CEP120: variants seen among roughly 807,000 people sequenced by gnomAD.
CEP120 encodes centrosomal protein of 120 kDa.
Under a neutral mutation model 126.5 loss-of-function variants are expected in CEP120, and 113 were observed. The ratio of observed to expected loss-of-function variants is 0.89; its 90% CI spans 0.77 to 1.04. The LOEUF (loss-of-function observed/expected upper bound fraction) is 1.04. Among genes scored for constraint, CEP120 ranks in the 50% least tolerant of loss-of-function variants. The pLI, the probability that CEP120 is intolerant of heterozygous loss-of-function variation, is 0.00. For missense variants in CEP120, 1,230 were observed against 1,155.7 expected (o/e 1.06, Z -0.93); for synonymous variants, 400 against 394.3 (o/e 1.01, Z -0.17).
In CEP120 at chr5:123,414,971, CAAAAAAAAAAAA is replaced by C. The variant is rs56756568; in HGVS notation, c.321+1027_321+1038del. Among the ~76,000 whole-genome samples the C allele has an allele frequency of 2.0e-4, 8 of 40,662 alleles. 1 individual carries two copies. The highest frequency in any genetic ancestry group is 5.8e-4 in the African/African-American group (5 of 8,648). 26.7% of individuals were successfully genotyped at this position (40,662 alleles called of 152,430 possible). A position where few individuals can be genotyped will look rare whatever the true frequency, so the allele number is the denominator to read the frequency against. On this transcript the variant is annotated intron_variant, in intron 3 of 19. Transcript: ENST00000306467. ...TGGGCAACAGAGCAAGACTCCATCT[CAAAAAAAAAAAA>C]AAAAAAAAAAAAAAAAAAAGCCCTA...
chr5:123,406,428 T>C (rs560039383), intron 4 of CEP120, among the ~76,000 whole-genome samples: 41 of 149,410 alleles, frequency 2.7e-4, no homozygotes, highest in Admixed American at 1.6e-3. Context: ...GCATCCCATA[T>C]TAAAACATCA....
chr5:123,423,382 C>G lies in CEP120; in HGVS notation c.-384G>C, dbSNP rs1377553811. On this transcript the variant is annotated 5_prime_UTR_variant, in exon 1 of 20. Transcript: ENST00000306467. ...GCAACCAGGCCCGCAGGCCCAGTGC[C>G]CAGGGGAGGTTGGAGGACAACGGGT... 1 of 290,666 alleles carries G rather than the reference C, an allele frequency of 3.4e-6. No homozygotes were observed. The highest frequency in any genetic ancestry group is 8.7e-5 in the East Asian group (1 of 11,472). The allele number at this position is 290,666 out of a possible 1,614,324, so 18.0% of individuals were successfully genotyped here.
At chr5:123,373,750 C>T (rs1017796560) in intron 16 of CEP120, among the ~76,000 whole-genome samples, 4 of 152,012 alleles carry the variant, frequency 2.6e-5, no homozygotes, top group East Asian at 1.9e-4. Context: ...ATGGAAGATC[C>T]TCGGGTACCC....
chr5:123,423,233 T>C lies in CEP120; in HGVS notation c.-235A>G, dbSNP rs1293560263. The stretch of plus-strand genomic sequence containing the variant: ...CCCCGACTCAAGGAAAAAGCCACGC[T>C]GCAGCCCTGCCAGTCTGCAAGCAGA... On this transcript the variant is annotated 5_prime_UTR_variant, in exon 1 of 20. Transcript: ENST00000306467. The C allele has an allele frequency of 1.1e-5, 6 of 549,356 alleles. No individual in the cohort carries two copies. Among genetic ancestry groups the C allele is most frequent in the African/African-American group, 1.9e-5 (1 of 51,656 alleles). 34.0% of individuals were successfully genotyped at this position (549,356 alleles called of 1,614,324 possible).
chr5:123,379,515 C>A (rs1281769732), intron 14 of CEP120, among the ~76,000 whole-genome samples: 1 of 152,002 alleles, frequency 6.6e-6, no homozygotes, highest in African/African-American at 2.4e-5. Flanking sequence ...TAATTATTTT[C>A]TCCATCCTCT....
chr5:123,374,461 G>C (rs905714029), intron 16 of CEP120, among the ~76,000 whole-genome samples: 2 of 151,970 alleles, frequency 1.3e-5, no homozygotes, highest in African/African-American at 4.8e-5. Context: ...AAGGTACGAA[G>C]ATGTTCTTTT....
chr5:123,422,803 C>T, intron 1 of CEP120, 147 bp downstream of exon 1: 1 of 796,790 alleles, frequency 1.3e-6, no homozygotes, highest in South Asian at 1.6e-5. Context: ...GCCTAACAGA[C>T]CTCACTACGT....
rs142484722 is a variant in CEP120, at chr5:123,363,491, G to A, written c.2580+1005C>T. Among the ~76,000 whole-genome samples the A allele has an allele frequency of 7.8e-3, 974 of 125,222 alleles. 6 individuals are homozygous for A. The highest frequency in any genetic ancestry group is 0.013 in the South Asian group (42 of 3,310). The allele number at this position is 125,222 out of a possible 152,430, so 82.2% of individuals were successfully genotyped here. A position where few individuals can be genotyped will look rare whatever the true frequency, so the allele number is the denominator to read the frequency against. ...CTGCTTTCAATACAGGAGACTCTTA[G>A]TACTACCCATGTCTATCCTTAGTCC... On this transcript the variant is annotated intron_variant, in intron 18 of 19. Coordinates refer to ENST00000306467, the MANE Select transcript of CEP120 (RefSeq NM_001375405.1).
chr5:123,412,934 C>T (rs1464824316), intron 3 of CEP120, among the ~76,000 whole-genome samples: 1 of 152,138 alleles, frequency 6.6e-6, no homozygotes, highest in African/African-American at 2.4e-5. Context: ...TATACCTTTT[C>T]TTTCTGCCAT....
At position 123,412,538 on chromosome 5, in the gene CEP120, T is replaced by C; in HGVS notation, c.324A>G (p.Ala108=). The change falls in exon 4 of 20, where the codon GCA becomes GCG. Residue 108 remains alanine, a splice_region_variant and synonymous_variant. Transcript: ENST00000306467. ...DLRTAQETKQ[A]PKWYQLLSNK... is the part of the protein sequence containing the mutation. The stretch of plus-strand genomic sequence containing the variant: ...TACTCAGCAACTGGTACCATTTTGG[T>C]GCCTAGAGAATAATAAAATAACAAA... 5 of 1,592,604 alleles carry C rather than the reference T, an allele frequency of 3.1e-6. No individual in the cohort carries two copies. The highest frequency in any genetic ancestry group is 4.3e-6 in the Non-Finnish European group (5 of 1,171,514).
intron 1 of CEP120, among the ~76,000 whole-genome samples, chr5:123,419,442 G>A (rs1774576010): frequency 6.6e-6 from 1 of 151,748 alleles, no homozygotes; most frequent in East Asian, 1.9e-4. Flanking sequence ...AGCTACTCGG[G>A]AGGCTGAGGC....
chr5:123,364,633 C>A lies in CEP120; in HGVS notation c.2482-39G>T, dbSNP rs1486724375. 11 of 1,217,396 alleles carry A rather than the reference C, an allele frequency of 9.0e-6. No homozygotes were observed. The Admixed American group carries it at 2.1e-4, about 23-fold the overall frequency. The allele number at this position is 1,217,396 out of a possible 1,614,324, so 75.4% of individuals were successfully genotyped here. A position where few individuals can be genotyped will look rare whatever the true frequency, so the allele number is the denominator to read the frequency against. ...AAATCATATCAAGTGAAACACTATA[C>A]CACTGTGTACAACCACTGAAAGATA... On this transcript the variant is annotated intron_variant, in intron 17 of 19. Coordinates refer to ENST00000306467, the MANE Select transcript of CEP120 (RefSeq NM_001375405.1).
chr5:123,412,095 T>C (rs1398431714), intron 4 of CEP120, among the ~76,000 whole-genome samples: 1 of 152,256 alleles, frequency 6.6e-6, no homozygotes, highest in South Asian at 2.1e-4. Flanking sequence ...GAGAACAGCA[T>C]GATCATTTTG....
At chr5:123,377,288 A>C in intron 16 of CEP120, 86 bp downstream of exon 16, 1 of 1,262,710 alleles carries the variant, frequency 7.9e-7, no homozygotes, top group Non-Finnish European at 1.1e-6. Flanking sequence ...GAATTTTACC[A>C]CTTTTTAGTA....
At position 123,369,255 on chromosome 5, in the gene CEP120, A is replaced by AT. The variant is rs557584363; in HGVS notation, c.2481+3394dup. Among the ~76,000 whole-genome samples, 11 of 152,108 alleles carry AT rather than the reference A, an allele frequency of 7.2e-5. No homozygotes were observed. In the South Asian group the frequency reaches 2.1e-3, roughly 29 times the overall value. ...ACAAACATACAATTTAAGTAAAACA[A>AT]TGTCCTAGGTTCTATGTTTAGCATT... On this transcript the variant is annotated intron_variant, in intron 17 of 19. Transcript: ENST00000306467.
intron 3 of CEP120, among the ~76,000 whole-genome samples, chr5:123,415,280 C>T (rs946711528): frequency 6.6e-6 from 1 of 152,048 alleles, no homozygotes; most frequent in Non-Finnish European, 1.5e-5. Flanking sequence ...GGGAAAAAAC[C>T]CAACTGGGAA....
intron 1 of CEP120, among the ~76,000 whole-genome samples, chr5:123,420,867 T>C (rs1774667016): frequency 1.3e-5 from 2 of 152,194 alleles, no homozygotes; most frequent in Admixed American, 6.5e-5. Flanking sequence ...TTGATGACCA[T>C]TTGGAAGTTA....
In CEP120 at chr5:123,378,442, A is replaced by T. The variant is rs1237094735; in HGVS notation, c.2104-14T>A. The T allele has an allele frequency of 6.2e-6, 3 of 486,246 alleles. No homozygotes were observed. The highest frequency in any genetic ancestry group is 8.9e-6 in the Non-Finnish European group (3 of 336,122). 30.1% of individuals were successfully genotyped at this position (486,246 alleles called of 1,614,324 possible). ...ATATTCAGCCACCTAAAATATAGTA[A>T]AAAAAAAAAAAAAAAAGTTACCTAC... On this transcript the variant is annotated splice_polypyrimidine_tract_variant and intron_variant, in intron 14 of 19. Transcript: ENST00000306467.
chr5:123,405,387 T>C (rs1773574169), intron 4 of CEP120, among the ~76,000 whole-genome samples: 1 of 152,204 alleles, frequency 6.6e-6, no homozygotes, highest in South Asian at 2.1e-4. Flanking sequence ...TCTTCTGGCA[T>C]AGGGAAGAGA....
Sources: gnomAD v4.1 joint callset for allele counts (sites outside exome capture counted in the v4.1 genomes callset) on GRCh38, gnomAD v4.1.1 for gene constraint, MANE v1.5 for transcripts, NCBI Gene and HGNC (gene_info 2026-07-23, HGNC 2026-07-21) for gene names.